Variants in FHL1 observed in about 807,000 individuals in gnomAD.
FHL1 encodes four and a half LIM domains protein 1.
Under a neutral mutation model 20.3 loss-of-function variants are expected in FHL1, and 1 was observed. That is an observed-to-expected ratio of 0.05 (90% CI 0.02 to 0.23). The LOEUF is 0.23. FHL1 is among the 10% of genes least tolerant of loss of function. The pLI is 1.00. For synonymous variants in FHL1, 82 were observed against 88.9 expected, an observed-to-expected ratio of 0.92 and a Z score of 0.44; for missense variants, 177 against 234.0, an observed-to-expected ratio of 0.76 and a Z score of 1.59.
chrX:136,210,723 G>T lies in FHL1; in HGVS notation c.*698G>T, dbSNP rs1304568947. On this transcript the variant is annotated 3_prime_UTR_variant, in exon 6 of 6. Transcript: ENST00000370683. ...ATTTGGGAAGTGTAGAAAGACCTGAGAAAACGAGCCTGTTTCAGAGGAACA... is the reference window on the plus strand; with the variant it reads ...ATTTGGGAAGTGTAGAAAGACCTGATAAAACGAGCCTGTTTCAGAGGAACA... The T allele has an allele frequency of 2.6e-6, 1 of 389,059 alleles. No individual in the cohort carries two copies. The highest frequency in any genetic ancestry group is 2.9e-5 in the Admixed American group (1 of 34,287). 32.1% of individuals were successfully genotyped at this position (389,059 alleles called of 1,213,427 possible). A position where few individuals can be genotyped will look rare whatever the true frequency, so the allele number is the denominator to read the frequency against.
chrX:136,174,965 C>CGAA (rs1406686734), intron 2 of FHL1, among the ~76,000 whole-genome samples: 3 of 111,848 alleles, frequency 2.7e-5, no homozygotes, highest in African/African-American at 9.8e-5. Flanking sequence ...AGAAAGAAAT[C>CGAA]AACAGTTTCA....
rs746341848 is a variant in FHL1, at chrX:136,209,237, C to T, written c.736+596C>T. ...GTACATTTGAGAAGACTTTTGCCAT[C>T]CTCAGGGAAAAGGACTGTGTCAAGA... On this transcript the variant is annotated intron_variant, in intron 5 of 5. Coordinates refer to ENST00000370683, the MANE Select transcript of FHL1 (RefSeq NM_001159699.2). The T allele has an allele frequency of 3.4e-5, 41 of 1,197,879 alleles. No individual in the cohort carries two copies. The highest frequency in any genetic ancestry group is 4.6e-5 in the Non-Finnish European group (41 of 890,989).
intron 2 of FHL1, among the ~76,000 whole-genome samples, chrX:136,184,334 AGG>A (rs1342765283): frequency 2.7e-5 from 3 of 111,895 alleles, no homozygotes; most frequent in Non-Finnish European, 5.6e-5. Flanking sequence ...TGAGGAATGG[AGG>A]CTAAACCATG....
chrX:136,149,344 G>T lies in FHL1; in HGVS notation c.-101+1716G>T, dbSNP rs755858181. Among the ~76,000 whole-genome samples the T allele has an allele frequency of 1.1e-3, 122 of 112,475 alleles. 1 individual carries two copies. Among genetic ancestry groups the T allele is most frequent in the Non-Finnish European group, 1.6e-3 (87 of 53,308 alleles). The stretch of plus-strand genomic sequence containing the variant: ...GTTCATGTTTGCTTAAGAAGAATAC[G>T]TATTAAGCAGGCATTTGCCTTTTAT... On this transcript the variant is annotated intron_variant, in intron 1 of 7. Coordinates refer to the FHL1 transcript ENST00000394155.
chrX:136,175,689 A>T (rs1385119695), intron 2 of FHL1, among the ~76,000 whole-genome samples: 1 of 112,500 alleles, frequency 8.9e-6, no homozygotes, highest in Non-Finnish European at 1.9e-5. Flanking sequence ...TACATTAGCA[A>T]TATGAAAGAA....
At chrX:136,207,248 T>G in intron 3 of FHL1, 58 bp downstream of exon 3, 1 of 1,122,305 alleles carries the variant, frequency 8.9e-7, no homozygotes, top group Admixed American at 2.4e-5. Flanking sequence ...GCAGACGTGA[T>G]GTGGGCTTGC....
chrX:136,202,130 C>T (rs904268638), intron 1 of FHL1, among the ~76,000 whole-genome samples: 8 of 110,735 alleles, frequency 7.2e-5, no homozygotes, highest in African/African-American at 1.6e-4. Flanking sequence ...GTTGGGAGGC[C>T]GAGGTGGGCA....
upstream of FHL1, chrX:136,146,719 A>G (rs2072104937): frequency 3.1e-6 from 1 of 322,037 alleles, no homozygotes; most frequent in African/African-American, 2.7e-5. Flanking sequence ...CAACGCTGTT[A>G]TCACCAGAGC....
chrX:136,152,285 G>C (rs949028787), intron 1 of FHL1, among the ~76,000 whole-genome samples: 1 of 112,290 alleles, frequency 8.9e-6, no homozygotes, highest in Non-Finnish European at 1.9e-5. Context: ...TAAGTAACTT[G>C]TCTAAGATTG....
chrX:136,168,500 T>A (rs2072773794), upstream of FHL1, among the ~76,000 whole-genome samples: 1 of 112,022 alleles, frequency 8.9e-6, no homozygotes, highest in African/African-American at 3.2e-5. Flanking sequence ...TGTCTCTACT[T>A]AAGTACAGGT....
At chrX:136,185,488 A>C (rs773893470) in intron 2 of FHL1, among the ~76,000 whole-genome samples, 77 of 111,928 alleles carry the variant, frequency 6.9e-4, no homozygotes, top group African/African-American at 2.2e-3. Context: ...CCTTTTCTGA[A>C]GTCCGAAGTT....
intron 1 of FHL1, among the ~76,000 whole-genome samples, chrX:136,201,358 G>A (rs2073704242): frequency 8.9e-6 from 1 of 111,748 alleles, no homozygotes; most frequent in Admixed American, 9.4e-5. Context: ...CATGCCCAGT[G>A]GCCTGCCAGC....
chrX:136,158,413 C>G (rs1010384859), intron 1 of FHL1, among the ~76,000 whole-genome samples: 1 of 111,781 alleles, frequency 8.9e-6, no homozygotes, highest in African/African-American at 3.2e-5. Context: ...GCTATTACTT[C>G]GGCATGCGTC....
chrX:136,210,968 G>A lies in FHL1; in HGVS notation c.*943G>A. 2.6e-6 allele frequency: 1 copy of A among 379,599 alleles called. No individual in the cohort carries two copies. The highest frequency in any genetic ancestry group is 5.7e-5 in the East Asian group (1 of 17,671). The allele number at this position is 379,599 out of a possible 1,213,427, so 31.3% of individuals were successfully genotyped here. On this transcript the variant is annotated 3_prime_UTR_variant, in exon 6 of 6. Transcript: ENST00000370683. The stretch of plus-strand genomic sequence containing the variant: ...AGAGGGGGAGTTGAGCAGGCGCCAG[G>A]GCTGTCATCAACATGGATATGACAT...
chrX:136,159,838 G>A (rs1302860330), intron 1 of FHL1, among the ~76,000 whole-genome samples: 2 of 111,913 alleles, frequency 1.8e-5, no homozygotes, highest in Non-Finnish European at 3.8e-5. Flanking sequence ...AACCCAGTGG[G>A]CCCTCTTTTG....
chrX:136,211,329 A>T lies in FHL1; in HGVS notation c.*1304A>T, dbSNP rs1269044797. ...TCATCTAACGTTTCAGTGTATCCTTACAGAAATAAAGCAGCATATGAATAA... is the reference window on the plus strand; with the variant it reads ...TCATCTAACGTTTCAGTGTATCCTTTCAGAAATAAAGCAGCATATGAATAA... On this transcript the variant is annotated 3_prime_UTR_variant, in exon 6 of 6. Transcript: ENST00000370683. 6.9e-6 allele frequency: 2 copies of T among 289,322 alleles called. No homozygotes were observed. The highest frequency in any genetic ancestry group is 1.3e-5 in the Non-Finnish European group (2 of 154,419). 23.8% of individuals were successfully genotyped at this position (289,322 alleles called of 1,213,427 possible).
At chrX:136,158,664 C>T (rs139910936) in intron 1 of FHL1, among the ~76,000 whole-genome samples, 168 of 111,402 alleles carry the variant, frequency 1.5e-3, no homozygotes, top group Non-Finnish European at 2.8e-3. Flanking sequence ...CACTCCTTTC[C>T]AGTTTCGAGC....
intron 1 of FHL1, 66 bp from the exon 2 acceptor site, chrX:136,206,341 G>A (rs2073838614): frequency 8.5e-7 from 1 of 1,180,051 alleles, no homozygotes; most frequent in African/African-American, 1.8e-5. Context: ...GGTGCCTCTG[G>A]GAGCCACTGC....
chrX:136,180,218 C>T (rs1235127091), intron 2 of FHL1, among the ~76,000 whole-genome samples: 1 of 112,044 alleles, frequency 8.9e-6, no homozygotes, highest in East Asian at 2.8e-4. Flanking sequence ...GTCCCTTCCC[C>T]GCTTCGTTAT....
Sources: allele counts gnomAD v4.1 joint callset (sites outside exome capture counted in the v4.1 genomes callset), GRCh38; gene constraint gnomAD v4.1.1; transcripts MANE v1.5; gene names NCBI Gene and HGNC (gene_info 2026-07-23, HGNC 2026-07-21).